The following DEPTOR variants were observed in gnomAD, a reference collection of about 807,000 sequenced individuals.
The protein encoded by DEPTOR is DEP domain containing MTOR interacting protein.
In DEPTOR, 41 loss-of-function variants were observed where a neutral mutation model predicts 41.6. That is an observed-to-expected ratio of 0.98 (90% confidence interval 0.77 to 1.28). The LOEUF (loss-of-function observed/expected upper bound fraction) is 1.28. DEPTOR is among the 50% of genes most tolerant of loss of function. The pLI is 0.00. For synonymous variants in DEPTOR, 195 were observed against 192.3 expected, an observed-to-expected ratio of 1.01 and a Z score of -0.12; for missense variants, 514 against 527.9, an observed-to-expected ratio of 0.97 and a Z score of 0.26.
At chr8:120,018,140 A>C (rs991900918) in intron 8 of DEPTOR, among the ~76,000 whole-genome samples, 2 of 152,218 alleles carry the variant, frequency 1.3e-5, no homozygotes, top group Non-Finnish European at 2.9e-5. Flanking sequence ...CTGAACCAAG[A>C]GAGGCCAGGT....
intron 3 of DEPTOR, among the ~76,000 whole-genome samples, chr8:119,951,350 C>T (rs747062248): frequency 2.6e-5 from 4 of 152,194 alleles, no homozygotes; most frequent in East Asian, 1.9e-4. Context: ...ATTGAGGGTA[C>T]AAGCACTTGG....
intron 1 of DEPTOR, among the ~76,000 whole-genome samples, chr8:119,896,279 G>T (rs1281379749): frequency 6.6e-6 from 1 of 152,182 alleles, no homozygotes; most frequent in African/African-American, 2.4e-5. Flanking sequence ...CAAAGGCTTA[G>T]AAAGATTAAG....
chr8:120,015,877 A>G (rs2130121965), intron 8 of DEPTOR, among the ~76,000 whole-genome samples: 1 of 152,132 alleles, frequency 6.6e-6, no homozygotes, highest in Non-Finnish European at 1.5e-5. Flanking sequence ...CTAGCCTTTT[A>G]ATATGCAAAT....
intron 3 of DEPTOR, among the ~76,000 whole-genome samples, chr8:119,931,204 T>A (rs56864850): frequency 6.6e-6 from 1 of 151,592 alleles, no homozygotes; most frequent in Admixed American, 6.6e-5. Context: ...GAGTGAGACA[T>A]CATCTCAAAA....
At chr8:119,956,534 C>T (rs1401500770) in intron 3 of DEPTOR, among the ~76,000 whole-genome samples, 1 of 152,102 alleles carries the variant, frequency 6.6e-6, no homozygotes, top group Non-Finnish European at 1.5e-5. Flanking sequence ...AAGTTAACCC[C>T]ATCCACTGGC....
intron 1 of DEPTOR, among the ~76,000 whole-genome samples, chr8:119,914,191 G>T (rs919928489): frequency 6.6e-6 from 1 of 150,414 alleles, no homozygotes; most frequent in African/African-American, 2.5e-5. Context: ...GACGACAGGC[G>T]AGTGCCACCA....
At chr8:119,874,947 C>G (rs899404758) in intron 1 of DEPTOR, among the ~76,000 whole-genome samples, 1 of 152,158 alleles carries the variant, frequency 6.6e-6, no homozygotes, top group South Asian at 2.1e-4. Context: ...AGTTCTTAGC[C>G]TGAATTCCCC....
chr8:120,039,397 A>G (rs940210428), intron 8 of DEPTOR, among the ~76,000 whole-genome samples: 12 of 152,234 alleles, frequency 7.9e-5, no homozygotes, highest in Admixed American at 3.3e-4. Context: ...CCCAATGGCT[A>G]GGCTTCCTCA....
At chr8:120,027,233 A>AT in intron 8 of DEPTOR, among the ~76,000 whole-genome samples, 1 of 106,494 alleles carries the variant, frequency 9.4e-6, no homozygotes. Context: ...AAATAAAAAT[A>AT]AAATAATAAT....
At chr8:119,983,131 G>A (rs1586643999) in intron 4 of DEPTOR, among the ~76,000 whole-genome samples, 2 of 152,344 alleles carry the variant, frequency 1.3e-5, no homozygotes, top group Non-Finnish European at 1.5e-5. Flanking sequence ...GTATACCGAT[G>A]TTAATGTCTC....
chr8:120,022,610 G>A (rs1393635920), intron 8 of DEPTOR, among the ~76,000 whole-genome samples: 2 of 152,226 alleles, frequency 1.3e-5, no homozygotes, highest in Middle Eastern at 3.4e-3. Context: ...ACTAGTGTGA[G>A]GCCAAATCTG....
At chr8:119,993,662 C>G (rs541472882) in intron 4 of DEPTOR, among the ~76,000 whole-genome samples, 28 of 152,222 alleles carry the variant, frequency 1.8e-4, no homozygotes, top group African/African-American at 5.5e-4. Flanking sequence ...CTGTATATCA[C>G]TGGGATCTGA....
intron 4 of DEPTOR, 30 bp from the exon 5 acceptor site, chr8:120,001,495 C>T (rs760058900): frequency 6.4e-7 from 1 of 1,574,698 alleles, no homozygotes; most frequent in Non-Finnish European, 8.6e-7. Context: ...CCAGATAGTC[C>T]TCATTGGTTG....
At chr8:119,953,003 GA>G (rs1586630382) in intron 3 of DEPTOR, among the ~76,000 whole-genome samples, 2 of 152,182 alleles carry the variant, frequency 1.3e-5, no homozygotes, top group East Asian at 3.9e-4. Context: ...AAATTATTAT[GA>G]AAATTATATC....
chr8:120,017,190 C>A (rs1260647305), intron 8 of DEPTOR, among the ~76,000 whole-genome samples: 2 of 152,142 alleles, frequency 1.3e-5, no homozygotes, highest in Non-Finnish European at 2.9e-5. Context: ...CACTTAGTGA[C>A]CACTAGCATT....
At chr8:119,986,123 C>A (rs895344177) in intron 4 of DEPTOR, among the ~76,000 whole-genome samples, 3 of 152,022 alleles carry the variant, frequency 2.0e-5, no homozygotes, top group Non-Finnish European at 4.4e-5. Context: ...TTCATAGTGT[C>A]AATGGTCTTT....
At chr8:119,910,642 T>C (rs979713010) in intron 1 of DEPTOR, among the ~76,000 whole-genome samples, 1 of 152,062 alleles carries the variant, frequency 6.6e-6, no homozygotes, top group Admixed American at 6.6e-5. Context: ...GGTTTCACCA[T>C]GTTGGCCAGG....
At chr8:119,884,527 A>ATT (rs2129686925) in intron 1 of DEPTOR, among the ~76,000 whole-genome samples, 1 of 151,854 alleles carries the variant, frequency 6.6e-6, no homozygotes, top group South Asian at 2.1e-4. Context: ...CCAATATGAG[A>ATT]AAAGGCAATT....
At chr8:119,953,801 C>CTTTTT (rs35043841) in intron 3 of DEPTOR, among the ~76,000 whole-genome samples, 3 of 119,678 alleles carry the variant, frequency 2.5e-5, no homozygotes, top group African/African-American at 3.2e-5. Flanking sequence ...CAGATAGCTT[C>CTTTTT]TTTTTTTTTT....
Sources: allele counts gnomAD v4.1 joint callset (sites outside exome capture counted in the v4.1 genomes callset), GRCh38; gene constraint gnomAD v4.1.1; transcripts MANE v1.5; gene names NCBI Gene and HGNC (gene_info 2026-07-23, HGNC 2026-07-21).